Variants in FBXL17 observed in about 807,000 individuals in gnomAD.
The protein encoded by FBXL17 is F-box/LRR-repeat protein 17.
FBXL17 carries 22 observed loss-of-function variants against 66.2 expected under a neutral mutation model. That is an observed-to-expected ratio of 0.33 (90% CI 0.24 to 0.47). The LOEUF (loss-of-function observed/expected upper bound fraction) is 0.47. Among genes scored for constraint, FBXL17 ranks in the 20% least tolerant of loss-of-function variants. The pLI, the probability that FBXL17 is intolerant of heterozygous loss-of-function variation, is 1.00. For synonymous variants in FBXL17, 474 were observed against 400.5 expected (o/e 1.18, Z -2.19); for missense variants, 878 against 948.2 (o/e 0.93, Z 0.97).
At chr5:108,352,088 G>C (rs1747691986) in intron 3 of FBXL17, among the ~76,000 whole-genome samples, 1 of 152,230 alleles carries the variant, frequency 6.6e-6, no homozygotes, top group South Asian at 2.1e-4. Context: ...CAGCATGTGA[G>C]GTAAAGTCAG....
At chr5:108,239,309 C>T (rs2416529) in intron 4 of FBXL17, among the ~76,000 whole-genome samples, 3,769 of 152,268 alleles carry the variant, frequency 0.025, 150 homozygotes, top group African/African-American at 0.085. Flanking sequence ...CTAAAGACAG[C>T]TGAAAAGACA....
intron 3 of FBXL17, among the ~76,000 whole-genome samples, chr5:108,354,471 C>T (rs1269886847): frequency 6.6e-6 from 1 of 151,506 alleles, no homozygotes; most frequent in Non-Finnish European, 1.5e-5. Flanking sequence ...AAAAAATGAA[C>T]AGAATATCTA....
At chr5:108,348,115 T>A (rs113009641) in intron 4 of FBXL17, among the ~76,000 whole-genome samples, 14 of 152,314 alleles carry the variant, frequency 9.2e-5, no homozygotes, top group African/African-American at 3.4e-4. Flanking sequence ...CAAACAAATT[T>A]GATTTTTCCA....
chr5:108,380,124 T>C (rs993898231), intron 1 of FBXL17, among the ~76,000 whole-genome samples: 1 of 152,170 alleles, frequency 6.6e-6, no homozygotes, highest in Non-Finnish European at 1.5e-5. Flanking sequence ...CTCACTACTA[T>C]AAACCGTGGC....
At chr5:108,208,371 G>C (rs773543308) in intron 5 of FBXL17, among the ~76,000 whole-genome samples, 8 of 152,136 alleles carry the variant, frequency 5.3e-5, no homozygotes, top group Middle Eastern at 6.8e-3. Flanking sequence ...GTGTTTTAGA[G>C]ATGAAGTCTT....
intron 4 of FBXL17, among the ~76,000 whole-genome samples, chr5:108,271,800 A>C (rs1312326530): frequency 1.3e-5 from 2 of 152,210 alleles, no homozygotes; most frequent in African/African-American, 4.8e-5. Flanking sequence ...AGGAAGCGTT[A>C]AGAATTCTTG....
At chr5:108,254,218 T>G (rs1756479179) in intron 4 of FBXL17, among the ~76,000 whole-genome samples, 1 of 152,202 alleles carries the variant, frequency 6.6e-6, no homozygotes, top group Non-Finnish European at 1.5e-5. Flanking sequence ...TTTTGACAAA[T>G]GTAAACTGTG....
At chr5:108,122,204 T>C (rs979225776) in intron 6 of FBXL17, among the ~76,000 whole-genome samples, 1 of 152,140 alleles carries the variant, frequency 6.6e-6, no homozygotes, top group African/African-American at 2.4e-5. Context: ...TGCACATATA[T>C]TTGATTCTCA....
chr5:107,971,893 T>C (rs1430089109), intron 7 of FBXL17, among the ~76,000 whole-genome samples: 1 of 152,210 alleles, frequency 6.6e-6, no homozygotes, highest in Non-Finnish European at 1.5e-5. Flanking sequence ...GCCTCCACTG[T>C]ATCCCATGTG....
intron 7 of FBXL17, among the ~76,000 whole-genome samples, chr5:107,882,537 A>C (rs531598116): frequency 2.0e-5 from 3 of 152,150 alleles, no homozygotes; most frequent in Non-Finnish European, 4.4e-5. Context: ...TAATGTTTTC[A>C]TCTTTGTGCA....
At chr5:108,277,124 T>A (rs1757515048) in intron 4 of FBXL17, among the ~76,000 whole-genome samples, 1 of 152,140 alleles carries the variant, frequency 6.6e-6, no homozygotes, top group Non-Finnish European at 1.5e-5. Flanking sequence ...TGACATTGCC[T>A]CTTTTATATA....
At chr5:108,135,873 A>G (rs1361646521) in intron 6 of FBXL17, among the ~76,000 whole-genome samples, 1 of 152,078 alleles carries the variant, frequency 6.6e-6, no homozygotes, top group Non-Finnish European at 1.5e-5. Context: ...AAGCATCAGA[A>G]TGGAGGCAAA....
intron 4 of FBXL17, among the ~76,000 whole-genome samples, chr5:108,283,955 A>C (rs1156478099): frequency 1.3e-5 from 2 of 152,068 alleles, no homozygotes; most frequent in Admixed American, 6.6e-5. Flanking sequence ...ATCGCTAATC[A>C]TCAGAGAAAT....
At chr5:108,363,331 T>G (rs2112562114) in intron 3 of FBXL17, among the ~76,000 whole-genome samples, 1 of 152,144 alleles carries the variant, frequency 6.6e-6, no homozygotes, top group Non-Finnish European at 1.5e-5. Context: ...GGAAAGAGTC[T>G]ATTATGAAAT....
chr5:108,131,653 C>A (rs1750936909), intron 6 of FBXL17, among the ~76,000 whole-genome samples: 1 of 151,918 alleles, frequency 6.6e-6, no homozygotes, highest in Admixed American at 6.6e-5. Flanking sequence ...ATTTTTGCTA[C>A]AGAGGAAATT....
At chr5:108,284,499 G>T (rs774327063) in intron 4 of FBXL17, among the ~76,000 whole-genome samples, 10 of 151,812 alleles carry the variant, frequency 6.6e-5, no homozygotes, top group Non-Finnish European at 1.3e-4. Context: ...GCTAAAAAAT[G>T]AGCTCTCATG....
intron 7 of FBXL17, among the ~76,000 whole-genome samples, chr5:107,989,565 C>T (rs1753152252): frequency 6.6e-6 from 1 of 152,086 alleles, no homozygotes; most frequent in Non-Finnish European, 1.5e-5. Flanking sequence ...AATTCCATAT[C>T]TTGGTTATTG....
intron 4 of FBXL17, among the ~76,000 whole-genome samples, chr5:108,234,913 TA>T (rs1230003167): frequency 6.6e-6 from 1 of 152,220 alleles, no homozygotes; most frequent in Non-Finnish European, 1.5e-5. Context: ...AGCTCTTCTA[TA>T]AATTTCAAGA....
intron 6 of FBXL17, among the ~76,000 whole-genome samples, chr5:108,048,358 G>A (rs775617060): frequency 2.6e-5 from 4 of 152,082 alleles, no homozygotes; most frequent in African/African-American, 4.8e-5. Context: ...GAGAATCATC[G>A]AAAAAATGCT....
Sources: allele counts gnomAD v4.1 joint callset (sites outside exome capture counted in the v4.1 genomes callset), GRCh38; gene constraint gnomAD v4.1.1; transcripts MANE v1.5; gene names NCBI Gene and HGNC (gene_info 2026-07-23, HGNC 2026-07-21).